Variants in NEGR1 observed in about 807,000 individuals in gnomAD.
NEGR1 encodes the protein IgLON family member 4.
NEGR1 carries 10 observed loss-of-function variants against 40.9 expected under a neutral mutation model. That is an observed-to-expected ratio of 0.24 (90% CI 0.15 to 0.42). The LOEUF (loss-of-function observed/expected upper bound fraction) is 0.42. NEGR1 is among the 10% of genes least tolerant of loss of function. The probability of loss-of-function intolerance (pLI) is 1.00; values close to 1 mark genes in which losing one functional copy is unlikely to be tolerated. For synonymous variants in NEGR1, 185 were observed against 166.8 expected (o/e 1.11, Z -0.84); for missense variants, 352 against 438.9 (o/e 0.80, Z 1.77).
intron 1 of NEGR1, among the ~76,000 whole-genome samples, chr1:72,038,979 AAG>A (rs1205033777): frequency 6.6e-6 from 1 of 152,012 alleles, no homozygotes; most frequent in Admixed American, 6.6e-5. Context: ...GTACATGAAA[AAG>A]AAAATTTCGC....
At chr1:72,173,450 T>C (rs1294440323) in intron 1 of NEGR1, among the ~76,000 whole-genome samples, 5 of 151,388 alleles carry the variant, frequency 3.3e-5, no homozygotes, top group African/African-American at 1.2e-4. Context: ...AATGAAACAA[T>C]CATAAACATG....
At chr1:71,642,139 AC>A (rs1651374769) in intron 4 of NEGR1, among the ~76,000 whole-genome samples, 1 of 151,938 alleles carries the variant, frequency 6.6e-6, no homozygotes, top group Non-Finnish European at 1.5e-5. Flanking sequence ...CGACACAGTG[AC>A]ATTCAGACGT....
intron 2 of NEGR1, among the ~76,000 whole-genome samples, chr1:71,860,922 A>C (rs965766272): frequency 2.6e-4 from 40 of 151,996 alleles, no homozygotes; most frequent in Admixed American, 1.8e-3. Context: ...AATCAAGTTA[A>C]AATAGTATAA....
At chr1:71,609,050 A>G (rs1008809795) in intron 5 of NEGR1, among the ~76,000 whole-genome samples, 3 of 152,196 alleles carry the variant, frequency 2.0e-5, no homozygotes, top group Non-Finnish European at 4.4e-5. Context: ...CAGTTTATCT[A>G]ATTCTCAATA....
chr1:72,231,989 G>A (rs1557589812), intron 1 of NEGR1, among the ~76,000 whole-genome samples: 2 of 151,970 alleles, frequency 1.3e-5, no homozygotes, highest in African/African-American at 4.8e-5. Context: ...AGCTCATATG[G>A]GGACATTTTT....
intron 6 of NEGR1, among the ~76,000 whole-genome samples, chr1:71,478,636 A>G (rs1307384096): frequency 6.6e-6 from 1 of 152,008 alleles, no homozygotes; most frequent in East Asian, 1.9e-4. Flanking sequence ...GACATAGTAA[A>G]TAGTTAATGA....
chr1:71,509,244 T>C (rs1647057318), intron 6 of NEGR1, among the ~76,000 whole-genome samples: 1 of 152,216 alleles, frequency 6.6e-6, no homozygotes, highest in Non-Finnish European at 1.5e-5. Context: ...CATTGCATAT[T>C]GGCTCTATAC....
At chr1:72,229,269 C>T (rs1311312177) in intron 1 of NEGR1, among the ~76,000 whole-genome samples, 1 of 150,870 alleles carries the variant, frequency 6.6e-6, no homozygotes, top group Non-Finnish European at 1.5e-5. Flanking sequence ...TATATTACCT[C>T]TAATTGACAT....
intron 4 of NEGR1, among the ~76,000 whole-genome samples, chr1:71,672,789 T>C (rs973955742): frequency 2.6e-5 from 4 of 152,158 alleles, no homozygotes; most frequent in South Asian, 4.1e-4. Context: ...TTGGTGTCAA[T>C]AAATTATAAA....
chr1:72,028,411 C>T (rs1302024300), intron 1 of NEGR1, among the ~76,000 whole-genome samples: 3 of 152,184 alleles, frequency 2.0e-5, no homozygotes, highest in Admixed American at 2.0e-4. Flanking sequence ...ATAGAACACA[C>T]ATAAAAGTAT....
At chr1:72,002,094 G>A (rs1225042985) in intron 1 of NEGR1, among the ~76,000 whole-genome samples, 5 of 151,652 alleles carry the variant, frequency 3.3e-5, no homozygotes, top group Admixed American at 6.6e-5. Context: ...TAATATCCGT[G>A]TTTTTGTCTG....
chr1:71,884,948 TA>T (rs949015391), intron 2 of NEGR1, among the ~76,000 whole-genome samples: 2 of 152,222 alleles, frequency 1.3e-5, no homozygotes, highest in African/African-American at 4.8e-5. Flanking sequence ...TTTTACAAGC[TA>T]AAATCAGTGC....
intron 3 of NEGR1, among the ~76,000 whole-genome samples, chr1:71,719,399 G>A (rs1654422860): frequency 6.6e-6 from 1 of 151,924 alleles, no homozygotes; most frequent in Admixed American, 6.6e-5. Flanking sequence ...TAATTGTCTG[G>A]CCTGTCCAGA....
At chr1:71,785,730 C>G (rs1309528518) in intron 2 of NEGR1, among the ~76,000 whole-genome samples, 1 of 152,164 alleles carries the variant, frequency 6.6e-6, no homozygotes, top group Non-Finnish European at 1.5e-5. Flanking sequence ...CAAACTAGAA[C>G]CCAGCTGCCT....
chr1:71,467,711 T>C (rs1328681550), intron 6 of NEGR1, among the ~76,000 whole-genome samples: 1 of 67,800 alleles, frequency 1.5e-5, no homozygotes, highest in African/African-American at 4.8e-5. Context: ...AATATTCTTC[T>C]ATTTGAAGCA....
intron 1 of NEGR1, among the ~76,000 whole-genome samples, chr1:72,220,163 A>G (rs1284292469): frequency 6.6e-6 from 1 of 151,954 alleles, no homozygotes; most frequent in Non-Finnish European, 1.5e-5. Flanking sequence ...TTACCAATTA[A>G]ATCTCAGAAA....
chr1:71,432,383 G>A (rs1453905966), intron 6 of NEGR1, among the ~76,000 whole-genome samples: 2 of 152,086 alleles, frequency 1.3e-5, no homozygotes, highest in Non-Finnish European at 2.9e-5. Context: ...CTATGGTTTG[G>A]ATGTTTGTGT....
chr1:72,099,702 T>C (rs1648854386), intron 1 of NEGR1, among the ~76,000 whole-genome samples: 2 of 152,024 alleles, frequency 1.3e-5, no homozygotes, highest in South Asian at 4.1e-4. Context: ...CTCACCAATT[T>C]AATTCTTTCT....
chr1:71,905,199 T>G (rs910898834), intron 2 of NEGR1, among the ~76,000 whole-genome samples: 2 of 152,076 alleles, frequency 1.3e-5, no homozygotes, highest in African/African-American at 2.4e-5. Context: ...TTCAAATCAG[T>G]TTTTAACACA....
Sources: gnomAD v4.1 joint callset for allele counts (sites outside exome capture counted in the v4.1 genomes callset) on GRCh38, gnomAD v4.1.1 for gene constraint, MANE v1.5 for transcripts, NCBI Gene and HGNC (gene_info 2026-07-23, HGNC 2026-07-21) for gene names.